Variants in FSTL5 observed in about 807,000 individuals in gnomAD.
FSTL5 encodes the protein follistatin like 5.
Under a neutral mutation model 89.1 loss-of-function variants are expected in FSTL5, and 62 were observed. The ratio of observed to expected loss-of-function variants is 0.70; its 90% CI spans 0.57 to 0.86. The LOEUF is 0.86. FSTL5 is among the 40% of genes least tolerant of loss of function. The pLI, the probability that FSTL5 is intolerant of heterozygous loss-of-function variation, is 0.00. For synonymous variants in FSTL5, 383 were observed against 346.2 expected, an observed-to-expected ratio of 1.11 and a Z score of -1.18; for missense variants, 1,057 against 1,001.6, an observed-to-expected ratio of 1.06 and a Z score of -0.75.
At chr4:161,409,394 A>ATTT (rs111679786) in intron 15 of FSTL5, among the ~76,000 whole-genome samples, 2 of 151,580 alleles carry the variant, frequency 1.3e-5, no homozygotes, top group East Asian at 1.9e-4. Context: ...TATTATTATT[A>ATTT]TTTTTTTGAG....
chr4:162,089,951 C>A (rs1029159403), intron 2 of FSTL5, among the ~76,000 whole-genome samples: 8 of 151,852 alleles, frequency 5.3e-5, no homozygotes, highest in African/African-American at 1.7e-4. Flanking sequence ...CATATTTTTT[C>A]CATCCGATCT....
chr4:162,065,628 T>C (rs1170126157), intron 2 of FSTL5, among the ~76,000 whole-genome samples: 2 of 151,938 alleles, frequency 1.3e-5, no homozygotes, highest in East Asian at 3.9e-4. Flanking sequence ...TAAGTTGGTA[T>C]AGCCATTATA....
At chr4:161,987,851 A>C (rs1344098199) in intron 3 of FSTL5, among the ~76,000 whole-genome samples, 1 of 151,704 alleles carries the variant, frequency 6.6e-6, no homozygotes, top group Non-Finnish European at 1.5e-5. Context: ...CTGCCATCTT[A>C]CTTGACTTCA....
chr4:161,487,703 T>C (rs1450308527), intron 12 of FSTL5, among the ~76,000 whole-genome samples: 2 of 152,102 alleles, frequency 1.3e-5, no homozygotes, highest in Non-Finnish European at 2.9e-5. Flanking sequence ...CAGTATTTCT[T>C]TCTTTTAAGT....
At chr4:162,120,537 A>C (rs17460441) in intron 1 of FSTL5, among the ~76,000 whole-genome samples, 20,695 of 152,074 alleles carry the variant, frequency 0.14, 1,949 homozygotes, top group Non-Finnish European at 0.19. Flanking sequence ...TAATATTTGA[A>C]GTAAATGAGA....
chr4:161,826,393 T>C (rs1298485449), intron 4 of FSTL5, among the ~76,000 whole-genome samples: 1 of 152,204 alleles, frequency 6.6e-6, no homozygotes, highest in Non-Finnish European at 1.5e-5. Context: ...ATTAAGTCTA[T>C]CTATTCTAGG....
chr4:161,696,445 C>T (rs74865542), intron 6 of FSTL5, among the ~76,000 whole-genome samples: 10,410 of 151,992 alleles, frequency 0.068, 438 homozygotes, highest in South Asian at 0.19. Context: ...TATGCAGGTG[C>T]TTTTTGGTTC....
chr4:162,075,682 C>G (rs1055386953), intron 2 of FSTL5, among the ~76,000 whole-genome samples: 5 of 151,882 alleles, frequency 3.3e-5, no homozygotes, highest in African/African-American at 9.7e-5. Flanking sequence ...GACTCTATTA[C>G]TAATAGTAGA....
At chr4:161,721,170 G>C (rs987561922) in intron 6 of FSTL5, among the ~76,000 whole-genome samples, 6 of 151,248 alleles carry the variant, frequency 4.0e-5, no homozygotes, top group Non-Finnish European at 7.4e-5. Context: ...CCCAGTTACT[G>C]GGGAGGCTGA....
intron 2 of FSTL5, among the ~76,000 whole-genome samples, chr4:162,095,638 A>C (rs1321001270): frequency 6.6e-6 from 1 of 152,062 alleles, no homozygotes; most frequent in African/African-American, 2.4e-5. Flanking sequence ...AACCAAATTT[A>C]TTTATGTTCT....
At chr4:161,424,089 G>T (rs1732089845) in intron 15 of FSTL5, among the ~76,000 whole-genome samples, 1 of 142,988 alleles carries the variant, frequency 7.0e-6, no homozygotes, top group Non-Finnish European at 1.5e-5. Flanking sequence ...GTGTTGGCCA[G>T]GATGGTCTCG....
At chr4:161,815,348 G>A (rs1239495213) in intron 4 of FSTL5, among the ~76,000 whole-genome samples, 1 of 152,022 alleles carries the variant, frequency 6.6e-6, no homozygotes, top group African/African-American at 2.4e-5. Context: ...CTGGAAAATA[G>A]TGTGTTGCCT....
At chr4:161,469,506 G>A (rs1182184389) in intron 13 of FSTL5, among the ~76,000 whole-genome samples, 2 of 152,062 alleles carry the variant, frequency 1.3e-5, no homozygotes, top group Non-Finnish European at 2.9e-5. Flanking sequence ...GGTATGAGGT[G>A]ACATCTCATT....
At chr4:161,520,235 AT>A (rs1730976638) in intron 10 of FSTL5, among the ~76,000 whole-genome samples, 1 of 151,832 alleles carries the variant, frequency 6.6e-6, no homozygotes, top group African/African-American at 2.4e-5. Context: ...AAACCACAAC[AT>A]TTTTTAAGGG....
intron 10 of FSTL5, among the ~76,000 whole-genome samples, chr4:161,518,283 A>C (rs1409746555): frequency 1.3e-5 from 2 of 152,162 alleles, no homozygotes; most frequent in Admixed American, 1.3e-4. Context: ...GAGATGGGAT[A>C]ATCATATTCT....
intron 6 of FSTL5, among the ~76,000 whole-genome samples, chr4:161,753,171 C>T (rs546000254): frequency 3.9e-5 from 6 of 152,266 alleles, no homozygotes; most frequent in East Asian, 1.9e-4. Context: ...TATTCCCTAT[C>T]TTTATTTCTG....
chr4:161,454,399 A>G (rs1733276657), intron 15 of FSTL5, among the ~76,000 whole-genome samples: 1 of 152,220 alleles, frequency 6.6e-6, no homozygotes, highest in Admixed American at 6.5e-5. Context: ...CAGTTTTATA[A>G]CTAGAAGTTA....
rs116631887 is a variant in FSTL5 at position 161,894,547 on chromosome 4, T to A, written c.409+25857A>T. Among the ~76,000 whole-genome samples the A allele has an allele frequency of 4.6e-3, 701 of 152,288 alleles. 3 individuals carry two copies. The highest frequency in any genetic ancestry group is 0.016 in the African/African-American group (681 of 41,572). On this transcript the variant is annotated intron_variant, in intron 4 of 15. Coordinates refer to ENST00000306100, the MANE Select transcript of FSTL5 (RefSeq NM_020116.5). ...CCCAGGCTGGAATACAGTGGCTCAA[T>A]CTTGGCTCACTGCAACTTCCACCTC...
intron 6 of FSTL5, among the ~76,000 whole-genome samples, chr4:161,681,863 A>G (rs1737537040): frequency 6.6e-6 from 1 of 152,152 alleles, no homozygotes; most frequent in Non-Finnish European, 1.5e-5. Flanking sequence ...GTCATGTATC[A>G]CTTAATGACA....
Sources: allele counts gnomAD v4.1 joint callset (sites outside exome capture counted in the v4.1 genomes callset), GRCh38; gene constraint gnomAD v4.1.1; transcripts MANE v1.5; gene names NCBI Gene and HGNC (gene_info 2026-07-23, HGNC 2026-07-21).